SUMF2: variants seen among roughly 807,000 people sequenced by gnomAD.
SUMF2 encodes the protein inactive C-alpha-formylglycine-generating enzyme 2.
A neutral mutation model predicts 44.8 loss-of-function variants in SUMF2; 45 were observed. That is an observed-to-expected ratio of 1.00 (90% confidence interval 0.79 to 1.29). The LOEUF (loss-of-function observed/expected upper bound fraction) is 1.29, where lower values mean the gene tolerates loss of function less well. SUMF2 is among the 50% of genes most tolerant of loss of function. SUMF2 has a pLI of 0.00. For missense variants in SUMF2, 418 were observed against 389.9 expected, an observed-to-expected ratio of 1.07 and a Z score of -0.61; for synonymous variants, 148 against 150.4, an observed-to-expected ratio of 0.98 and a Z score of 0.12.
chr7:56,078,263 G>A, intron 7 of SUMF2, 77 bp downstream of exon 7: 1 of 1,566,226 alleles, frequency 6.4e-7, no homozygotes, highest in Non-Finnish European at 8.7e-7. Flanking sequence ...AGGAGGCAGA[G>A]GGAAGCACCT....
At chr7:56,078,670 G>A (rs1250527393) in intron 8 of SUMF2, among the ~76,000 whole-genome samples, 162 bp downstream of exon 8, 1 of 152,132 alleles carries the variant, frequency 6.6e-6, no homozygotes, top group Non-Finnish European at 1.5e-5. Context: ...GTACAAAAAA[G>A]AAAGCCAGCA....
At chr7:56,077,296 G>C (rs1439609436) in intron 6 of SUMF2, among the ~76,000 whole-genome samples, 5 of 149,504 alleles carry the variant, frequency 3.3e-5, no homozygotes, top group Non-Finnish European at 5.9e-5. Flanking sequence ...TGATCCACCC[G>C]CCTTGGCCTC....
At chr7:56,078,046 T>C in intron 6 of SUMF2, 56 bp from the exon 7 acceptor site, 1 of 1,488,042 alleles carries the variant, frequency 6.7e-7, no homozygotes, top group Admixed American at 1.8e-5. Context: ...TGGATAGGCA[T>C]GAGGACCTGC....
At chr7:56,075,651 A>G (rs547903847) in intron 5 of SUMF2, among the ~76,000 whole-genome samples, 143 of 150,892 alleles carry the variant, frequency 9.5e-4, no homozygotes, top group Middle Eastern at 6.9e-3. Context: ...GTGAGCCGAG[A>G]TCACGCCACT....
At chr7:56,065,526 A>C (rs965324576) in intron 1 of SUMF2, among the ~76,000 whole-genome samples, 2 of 152,180 alleles carry the variant, frequency 1.3e-5, no homozygotes, top group Non-Finnish European at 2.9e-5. Flanking sequence ...TAAAGCTCAT[A>C]CATTGCAATT....
In SUMF2 at chr7:56,076,817, C is replaced by T; in HGVS notation, c.536-17C>T. 1 of 1,590,018 alleles carries T rather than the reference C, an allele frequency of 6.3e-7. No individual in the cohort carries two copies. The highest frequency in any genetic ancestry group is 8.6e-7 in the Non-Finnish European group (1 of 1,166,948). On this transcript the variant is annotated splice_polypyrimidine_tract_variant and intron_variant, in intron 5 of 8. Transcript: ENST00000434526. ...TTCACCTCCCCCTCCTCTGCTGCCTCCTTGCTCTCCTCGCAGGTCAAGTTT... is the reference window on the plus strand; with the variant it reads ...TTCACCTCCCCCTCCTCTGCTGCCTTCTTGCTCTCCTCGCAGGTCAAGTTT...
downstream of SUMF2, chr7:56,083,433 A>G (rs1398089480): frequency 1.2e-6 from 2 of 1,614,186 alleles, no homozygotes; most frequent in Admixed American, 1.7e-5. Flanking sequence ...CAGAGCTCGC[A>G]TGATCTTTCT....
downstream of SUMF2, chr7:56,084,336 C>G: frequency 2.9e-6 from 2 of 685,462 alleles, no homozygotes; most frequent in Non-Finnish European, 5.0e-6. Flanking sequence ...GGCCCAGGAC[C>G]CCAGACCCAG....
chr7:56,086,874 G>A, the SUMF2 span: 1 of 912,160 alleles, frequency 1.1e-6, no homozygotes, highest in East Asian at 2.4e-5. Flanking sequence ...CTCAGCGCAG[G>A]AGCTGGCTGT....
chr7:56,081,332 C>G, downstream of SUMF2: 8 of 1,577,780 alleles, frequency 5.1e-6, no homozygotes, highest in Non-Finnish European at 6.8e-6. This position sits in a 1 kb window ranked among gnomAD's most constrained non-coding sequence, Gnocchi z 4.6. Flanking sequence ...TGGGCTGCAG[C>G]CCCCGCCCTG....
In SUMF2 at chr7:56,074,597, T is replaced by C. The variant is rs1318203062; in HGVS notation, c.396T>C (p.Pro132=). 4 of 1,613,920 alleles carry C rather than the reference T, an allele frequency of 2.5e-6. No homozygotes were observed. In the East Asian group the frequency reaches 6.7e-5, roughly 27 times the overall value. The change falls in exon 5 of 9, where the codon CCT becomes CCC. Residue 132 remains proline (P), a synonymous_variant. Coordinates refer to ENST00000434526, the MANE Select transcript of SUMF2 (RefSeq NM_015411.4). ...EKAFWRQPAG[P]GSGIRERLEH... is the part of the protein sequence containing the mutation. The stretch of plus-strand genomic sequence containing the variant: ...ATCCTGGCTGTCAGCCTGCAGGTCC[T>C]GGCTCTGGCATCCGAGAGAGACTGG...
the SUMF2 span, among the ~76,000 whole-genome samples, chr7:56,086,674 G>A: frequency 9.9e-5 from 15 of 151,952 alleles, no homozygotes; most frequent in Admixed American, 7.9e-4. Context: ...CACTGCGCCC[G>A]CCTGTAGCTA....
intron 2 of SUMF2, among the ~76,000 whole-genome samples, chr7:56,069,632 G>A (rs1227924788): frequency 6.6e-6 from 1 of 151,776 alleles, no homozygotes; most frequent in African/African-American, 2.4e-5. Flanking sequence ...GACAGGGTCT[G>A]GCTCTGTCAC....
At chr7:56,072,960 C>T (rs771782341) in intron 2 of SUMF2, 37 bp from the exon 3 acceptor site, 1 of 1,535,398 alleles carries the variant, frequency 6.5e-7, no homozygotes, top group South Asian at 1.1e-5. Flanking sequence ...GGGCACAGAA[C>T]CTCACCAGCT....
the SUMF2 span, chr7:56,087,699 G>A: frequency 1.9e-6 from 3 of 1,613,860 alleles, no homozygotes; most frequent in Admixed American, 1.7e-5. Context: ...GCCTCCACCG[G>A]TGACGTCGAT....
At chr7:56,064,474 G>A (rs2117365888) in intron 1 of SUMF2, 96 bp downstream of exon 1, 1 of 1,469,324 alleles carries the variant, frequency 6.8e-7, no homozygotes, top group South Asian at 1.3e-5. Flanking sequence ...GCCGGCTTCC[G>A]GGATGCGGCT....
At chr7:56,064,651 A>T (rs1224183589) in intron 1 of SUMF2, among the ~76,000 whole-genome samples, 5 of 151,252 alleles carry the variant, frequency 3.3e-5, no homozygotes, top group Non-Finnish European at 7.4e-5. Flanking sequence ...AGGCGGGTGG[A>T]TCACTTGAGG....
At chr7:56,082,646 G>A (rs976607649), downstream of SUMF2, among the ~76,000 whole-genome samples, 4 of 152,070 alleles carry the variant, frequency 2.6e-5, no homozygotes, top group African/African-American at 9.7e-5. Flanking sequence ...AACAGAAATG[G>A]CGCTCGGGCT....
chr7:56,079,211 T>G (rs1795803226), intron 8 of SUMF2: 1 of 521,964 alleles, frequency 1.9e-6, no homozygotes, highest in Non-Finnish European at 3.4e-6. Flanking sequence ...TTTTCTCTAC[T>G]GAGCTGTTGT....
Sources: allele counts gnomAD v4.1 joint callset (sites outside exome capture counted in the v4.1 genomes callset), GRCh38; gene constraint gnomAD v4.1.1; non-coding constraint Gnocchi (gnomAD v3.1); transcripts MANE v1.5; gene names NCBI Gene and HGNC (gene_info 2026-07-23, HGNC 2026-07-21).